The following ZC3H12C variants were observed in gnomAD, a reference collection of about 807,000 sequenced individuals.
The protein encoded by ZC3H12C is probable ribonuclease ZC3H12C.
A neutral mutation model predicts 76.3 loss-of-function variants in ZC3H12C; 20 were observed. The observed-to-expected ratio is 0.26, with a 90% CI of 0.18 to 0.38. The LOEUF (loss-of-function observed/expected upper bound fraction) is 0.38. Ranked by LOEUF, ZC3H12C falls within the 10% of genes least tolerant of loss-of-function variation. The probability of loss-of-function intolerance (pLI) is 1.00; values close to 1 mark genes in which losing one functional copy is unlikely to be tolerated. For synonymous variants in ZC3H12C, 352 were observed against 399.6 expected (o/e 0.88, Z 1.42); for missense variants, 874 against 1,086.5 (o/e 0.80, Z 2.75).
Position 110,171,461 on chromosome 11 carries a change from C to T in ZC3H12C, c.*5724C>T, listed in dbSNP as rs1238523550. On this transcript the variant is annotated 3_prime_UTR_variant, in exon 6 of 6. Coordinates refer to ENST00000278590, the MANE Select transcript of ZC3H12C (RefSeq NM_033390.2). ...GGCAAAGGATGTGTAGTGCAACCAT[C>T]TGATAAACTAGTGTGATTGTATTTA... 2.0e-5 allele frequency: 3 copies of T among 152,020 alleles called. No individual in the cohort carries two copies. The East Asian group carries it at 5.8e-4, about 29-fold the overall frequency. The allele number at this position is 152,020 out of a possible 1,614,324, so 9.4% of individuals were successfully genotyped here.
In ZC3H12C at chr11:110,170,923, C is replaced by T. The variant is rs1862666730; in HGVS notation, c.*5186C>T. On this transcript the variant is annotated 3_prime_UTR_variant, in exon 6 of 6. Coordinates refer to ENST00000278590, the MANE Select transcript of ZC3H12C (RefSeq NM_033390.2). The stretch of plus-strand genomic sequence containing the variant: ...AATTATTACTCCTGTTGCAGTGTTA[C>T]TGTTATGTATTAGAAGTGGCTTTTC... The T allele has an allele frequency of 6.6e-6, 1 of 152,124 alleles. No homozygotes were observed. The highest frequency in any genetic ancestry group is 2.1e-4 in the South Asian group (1 of 4,830). 9.4% of individuals were successfully genotyped at this position (152,124 alleles called of 1,614,324 possible).
chr11:110,165,859 G>A lies in ZC3H12C; in HGVS notation c.*122G>A. 2.2e-6 allele frequency: 2 copies of A among 899,632 alleles called. No individual in the cohort carries two copies. The highest frequency in any genetic ancestry group is 1.8e-5 in the South Asian group (1 of 56,530). 55.7% of individuals were successfully genotyped at this position (899,632 alleles called of 1,614,324 possible). A position where few individuals can be genotyped will look rare whatever the true frequency, so the allele number is the denominator to read the frequency against. On this transcript the variant is annotated 3_prime_UTR_variant, in exon 6 of 6. Coordinates refer to ENST00000278590, the MANE Select transcript of ZC3H12C (RefSeq NM_033390.2). ...AGGAGGTTATATAGTATCCATTTAT[G>A]TGAAATACTGTATCATGGAATCTGT...
chr11:110,130,736 G>A (rs111243040), intron 1 of ZC3H12C, among the ~76,000 whole-genome samples: 12 of 152,172 alleles, frequency 7.9e-5, no homozygotes, highest in Admixed American at 2.0e-4. Context: ...TAATGACTCC[G>A]CTCTCATAGA....
intron 1 of ZC3H12C, among the ~76,000 whole-genome samples, chr11:110,099,771 CA>C (rs1216350145): frequency 2.0e-5 from 3 of 150,284 alleles, no homozygotes; most frequent in Non-Finnish European, 4.4e-5. Flanking sequence ...GAGATTGTGC[CA>C]CTGCACTCCA....
At chr11:110,111,384 C>A (rs1471155958) in intron 1 of ZC3H12C, among the ~76,000 whole-genome samples, 1 of 151,470 alleles carries the variant, frequency 6.6e-6, no homozygotes, top group African/African-American at 2.4e-5. Context: ...TCATATCCTT[C>A]AATATGTGAT....
chr11:110,120,786 C>T (rs1433007738), intron 1 of ZC3H12C, among the ~76,000 whole-genome samples: 3 of 152,210 alleles, frequency 2.0e-5, no homozygotes, highest in African/African-American at 4.8e-5. Flanking sequence ...GTGTGCTCTA[C>T]TCCCAGGATT....
chr11:110,152,335 T>G (rs667625), intron 2 of ZC3H12C, among the ~76,000 whole-genome samples: 104,809 of 152,114 alleles, frequency 0.69, 36,912 homozygotes, highest in South Asian at 0.79. Flanking sequence ...CTGCATTATA[T>G]GCAAAGTGTT....
chr11:110,104,648 T>G (rs1479825537), intron 1 of ZC3H12C, among the ~76,000 whole-genome samples: 1 of 152,202 alleles, frequency 6.6e-6, no homozygotes, highest in Non-Finnish European at 1.5e-5. Context: ...AGACCTGGAT[T>G]TAAATCCCAG....
intron 3 of ZC3H12C, among the ~76,000 whole-genome samples, chr11:110,157,430 CTTTT>C (rs1238127792): frequency 1.8e-5 from 2 of 114,044 alleles, no homozygotes. Context: ...AAGGTCTGGT[CTTTT>C]TTTTTTTTTT....
chr11:110,136,613 G>A, intron 1 of ZC3H12C, 50 bp from the exon 2 acceptor site: 1 of 1,557,122 alleles, frequency 6.4e-7, no homozygotes, highest in Non-Finnish European at 8.7e-7. Context: ...CATTGAGACA[G>A]AAATCTAGCC....
chr11:110,159,883 G>A (rs921405045), intron 4 of ZC3H12C, among the ~76,000 whole-genome samples: 2 of 152,234 alleles, frequency 1.3e-5, no homozygotes, highest in Non-Finnish European at 2.9e-5. Context: ...ACAGGGATAC[G>A]TTCTGAGAAA....
At position 110,167,291 on chromosome 11, in the gene ZC3H12C, T is replaced by TAAG. The variant is rs1371374078; in HGVS notation, c.*1557_*1559dup. 6.6e-6 allele frequency: 1 copy of TAAG among 152,214 alleles called. No individual in the cohort carries two copies. The highest frequency in any genetic ancestry group is 1.5e-5 in the Non-Finnish European group (1 of 68,018). The allele number at this position is 152,214 out of a possible 1,614,324, so 9.4% of individuals were successfully genotyped here. A position where few individuals can be genotyped will look rare whatever the true frequency, so the allele number is the denominator to read the frequency against. On this transcript the variant is annotated 3_prime_UTR_variant, in exon 6 of 6. Coordinates refer to ENST00000278590, the MANE Select transcript of ZC3H12C (RefSeq NM_033390.2). ...GATACAAATTGTATCTTTTTAACTA[T>TAAG]AAGAACTATTTTGATTTGTAGATCT...
intron 2 of ZC3H12C, among the ~76,000 whole-genome samples, chr11:110,140,672 G>T (rs571467906): frequency 2.1e-4 from 32 of 152,260 alleles, no homozygotes; most frequent in African/African-American, 7.5e-4. Flanking sequence ...AGGTTTCTGG[G>T]ATTAGATTAA....
rs546782597 is a variant in ZC3H12C, at chr11:110,126,504, G to A, written c.22-10159G>A. 1.4e-3 allele frequency among the ~76,000 whole-genome samples: 209 copies of A among 152,244 alleles called. 2 individuals carry two copies. The highest frequency in any genetic ancestry group is 2.6e-3 in the Non-Finnish European group (176 of 68,014). On this transcript the variant is annotated intron_variant, in intron 1 of 5. Transcript: ENST00000278590. ...TAAAGTGCTGGGATTATAGGTGTGA[G>A]CCACTGCACCCAGTTGTTTTTCTTT...
At chr11:110,128,304 A>G (rs1236985279) in intron 1 of ZC3H12C, among the ~76,000 whole-genome samples, 2 of 152,182 alleles carry the variant, frequency 1.3e-5, no homozygotes, top group African/African-American at 2.4e-5. Flanking sequence ...TGTGCTTAAC[A>G]TTATCCAATA....
intron 5 of ZC3H12C, 143 bp downstream of exon 5, chr11:110,163,522 T>C (rs756134076): frequency 1.7e-6 from 1 of 587,516 alleles, no homozygotes; most frequent in Non-Finnish European, 2.8e-6. Flanking sequence ...GAAAACGTCT[T>C]AGCCATGAAA....
At chr11:110,118,547 A>G (rs1429534397) in intron 1 of ZC3H12C, among the ~76,000 whole-genome samples, 3 of 152,220 alleles carry the variant, frequency 2.0e-5, no homozygotes, top group Non-Finnish European at 4.4e-5. Context: ...TTGTTATCCC[A>G]GTACTTTGGG....
At chr11:110,112,255 G>A (rs572189673) in intron 1 of ZC3H12C, among the ~76,000 whole-genome samples, 5 of 152,216 alleles carry the variant, frequency 3.3e-5, no homozygotes, top group East Asian at 3.9e-4. Context: ...ATGGAGTGCC[G>A]TGGCACTATC....
chr11:110,112,579 C>T (rs899738262), intron 1 of ZC3H12C, among the ~76,000 whole-genome samples: 7 of 152,150 alleles, frequency 4.6e-5, no homozygotes, highest in Admixed American at 1.3e-4. Context: ...CAGCACTAAG[C>T]GCTGAGAAGG....
Sources: gnomAD v4.1 joint callset for allele counts (sites outside exome capture counted in the v4.1 genomes callset) on GRCh38, gnomAD v4.1.1 for gene constraint, MANE v1.5 for transcripts, NCBI Gene and HGNC (gene_info 2026-07-23, HGNC 2026-07-21) for gene names.